Variants in BLTP3A observed in about 807,000 individuals in gnomAD.
The protein encoded by BLTP3A is ICBP90 binding protein 1.
chr6:34,853,355 C>T, the BLTP3A span, among the ~76,000 whole-genome samples: 8 of 152,072 alleles, frequency 5.3e-5, no homozygotes, highest in African/African-American at 1.9e-4. Flanking sequence ...CCATACTCAG[C>T]TGTTTTTTTT....
chr6:34,799,141 C>T, the BLTP3A span, among the ~76,000 whole-genome samples: 2 of 152,020 alleles, frequency 1.3e-5, no homozygotes, highest in Non-Finnish European at 2.9e-5. Context: ...AGGGTTTCAC[C>T]ATGTTGGCCG....
the BLTP3A span, among the ~76,000 whole-genome samples, chr6:34,836,762 T>A: frequency 6.6e-6 from 1 of 152,150 alleles, no homozygotes; most frequent in Non-Finnish European, 1.5e-5. Context: ...ACCTCAGAAT[T>A]TGTAGATTTG....
At chr6:34,794,937 A>G in the BLTP3A span, among the ~76,000 whole-genome samples, 2 of 150,692 alleles carry the variant, frequency 1.3e-5, no homozygotes, top group African/African-American at 4.9e-5. Flanking sequence ...GGCATGCGCC[A>G]CCACGCCCAG....
the BLTP3A span, among the ~76,000 whole-genome samples, chr6:34,870,210 T>C: frequency 7.2e-5 from 11 of 152,228 alleles, no homozygotes; most frequent in African/African-American, 2.7e-4. Context: ...AACATCCTTG[T>C]ACATGTCTCT....
At chr6:34,826,619 A>G in the BLTP3A span, among the ~76,000 whole-genome samples, 2 of 152,186 alleles carry the variant, frequency 1.3e-5, no homozygotes, top group Non-Finnish European at 2.9e-5. Flanking sequence ...TGGCCTCTCA[A>G]AGTGTTAGGA....
the BLTP3A span, among the ~76,000 whole-genome samples, chr6:34,795,009 G>A: frequency 6.6e-6 from 1 of 151,730 alleles, no homozygotes; most frequent in Non-Finnish European, 1.5e-5. Flanking sequence ...GGATGGTCTC[G>A]ATCTCCTGAC....
the BLTP3A span, among the ~76,000 whole-genome samples, chr6:34,811,244 A>G: frequency 6.6e-6 from 1 of 152,334 alleles, no homozygotes; most frequent in East Asian, 1.9e-4. Flanking sequence ...CAGTTTCAGC[A>G]GATTTTTTTA....
At chr6:34,824,602 C>A in the BLTP3A span, among the ~76,000 whole-genome samples, 1 of 150,126 alleles carries the variant, frequency 6.7e-6, no homozygotes, top group African/African-American at 2.4e-5. Flanking sequence ...TCATCTAGTA[C>A]CTATTTCATA....
the BLTP3A span, among the ~76,000 whole-genome samples, chr6:34,860,918 C>T: frequency 2.6e-5 from 4 of 152,156 alleles, no homozygotes; most frequent in Admixed American, 6.6e-5. Flanking sequence ...TGCCCAAGCC[C>T]GTGGCCTTTC....
the BLTP3A span, chr6:34,857,724 TTCCTTG>T: frequency 6.2e-7 from 1 of 1,611,922 alleles, no homozygotes; most frequent in Non-Finnish European, 8.5e-7. Flanking sequence ...TGCTTTCCAG[TTCCTTG>T]TCCTAATCTC....
chr6:34,861,644 TACA>T, the BLTP3A span, among the ~76,000 whole-genome samples: 1 of 152,240 alleles, frequency 6.6e-6, no homozygotes, highest in Non-Finnish European at 1.5e-5. Flanking sequence ...ATACTGTTTT[TACA>T]ACAATAGGAT....
chr6:34,823,394 A>C, the BLTP3A span: 7 of 1,499,010 alleles, frequency 4.7e-6, no homozygotes, highest in East Asian at 1.6e-4. Context: ...TAATTGCTCC[A>C]GATCCCCTTT....
the BLTP3A span, among the ~76,000 whole-genome samples, chr6:34,794,924 AC>A: frequency 6.6e-6 from 1 of 151,714 alleles, no homozygotes; most frequent in South Asian, 2.1e-4. Flanking sequence ...AGCTGGGACT[AC>A]AGGCATGCGC....
chr6:34,832,296 A>AT, the BLTP3A span, among the ~76,000 whole-genome samples: 2 of 150,802 alleles, frequency 1.3e-5, no homozygotes, highest in Non-Finnish European at 3.0e-5. Context: ...AATTTTTTCT[A>AT]TTTTTTGTAG....
At chr6:34,836,135 T>TTC in the BLTP3A span, 1 of 1,607,238 alleles carries the variant, frequency 6.2e-7, no homozygotes, top group Non-Finnish European at 8.5e-7. Context: ...GACTTCCTGT[T>TTC]TCTCTCTCTG....
chr6:34,821,786 C>T, the BLTP3A span: 133 of 1,614,024 alleles, frequency 8.2e-5, no homozygotes, highest in Non-Finnish European at 1.1e-4. Context: ...AGCCATCACT[C>T]GGGTCTACTG....
At chr6:34,816,115 ATAGAGT>A in the BLTP3A span, among the ~76,000 whole-genome samples, 1 of 152,218 alleles carries the variant, frequency 6.6e-6, no homozygotes, top group Non-Finnish European at 1.5e-5. Flanking sequence ...GGAACTGTAA[ATAGAGT>A]TAGATTTTGC....
At chr6:34,810,723 C>T in the BLTP3A span, among the ~76,000 whole-genome samples, 132 of 152,278 alleles carry the variant, frequency 8.7e-4, no homozygotes, top group African/African-American at 3.1e-3. Flanking sequence ...CCTGCCTCGA[C>T]CTCTCAAAGT....
At chr6:34,871,222 C>CCATATTTTACAG in the BLTP3A span, 1 of 1,327,616 alleles carries the variant, frequency 7.5e-7, no homozygotes, top group Non-Finnish European at 1.0e-6. Context: ...TCCCTTTTCA[C>CCATATTTTACAG]TGTAAAATAT....
Sources: allele counts gnomAD v4.1 joint callset (sites outside exome capture counted in the v4.1 genomes callset), GRCh38; gene constraint gnomAD v4.1.1; transcripts MANE v1.5; gene names NCBI Gene and HGNC (gene_info 2026-07-23, HGNC 2026-07-21).